The following PPP2R2D variants were observed in gnomAD, a reference collection of about 807,000 sequenced individuals.
PPP2R2D encodes serine/threonine-protein phosphatase 2A 55 kDa regulatory subunit B delta isoform.
Under a neutral mutation model 31.1 loss-of-function variants are expected in PPP2R2D, and 9 were observed. The ratio of observed to expected loss-of-function variants is 0.29; its 90% CI spans 0.17 to 0.51. PPP2R2D has a LOEUF of 0.51. Among genes scored for constraint, PPP2R2D ranks in the 20% least tolerant of loss-of-function variants. PPP2R2D has a pLI of 0.98. For synonymous variants in PPP2R2D, 179 were observed against 172.6 expected (o/e 1.04, Z -0.29); for missense variants, 391 against 465.6 (o/e 0.84, Z 1.48).
intron 8 of PPP2R2D, among the ~76,000 whole-genome samples, chr10:131,951,822 A>G (rs1395013437): frequency 1.3e-5 from 2 of 152,196 alleles, no homozygotes; most frequent in Non-Finnish European, 2.9e-5. Flanking sequence ...TCTGTCTCAA[A>G]AAAAAACAAA....
intron 2 of PPP2R2D, among the ~76,000 whole-genome samples, chr10:131,934,249 T>C (rs2036297186): frequency 6.6e-6 from 1 of 152,152 alleles, no homozygotes; most frequent in Non-Finnish European, 1.5e-5. Flanking sequence ...GGAGTAAAAC[T>C]CGCCCATTCA....
intron 2 of PPP2R2D, among the ~76,000 whole-genome samples, chr10:131,903,798 A>C (rs2035539904): frequency 6.6e-6 from 1 of 152,236 alleles, no homozygotes; most frequent in African/African-American, 2.4e-5. Flanking sequence ...CCAGAGAGTC[A>C]GTGATGATGA....
intron 7 of PPP2R2D, among the ~76,000 whole-genome samples, chr10:131,946,259 T>G (rs782494771): frequency 5.3e-5 from 8 of 152,244 alleles, no homozygotes; most frequent in Non-Finnish European, 7.3e-5. Flanking sequence ...TTTGTTTTTA[T>G]TTTTAGCCAT....
intron 8 of PPP2R2D, among the ~76,000 whole-genome samples, chr10:131,951,227 T>A (rs1213542757): frequency 2.0e-5 from 3 of 152,258 alleles, no homozygotes; most frequent in Non-Finnish European, 4.4e-5. Context: ...TCTTGTGACC[T>A]CCTTGGTGAC....
At chr10:131,939,868 CTTTTT>C in intron 3 of PPP2R2D, 158 bp from the exon 4 acceptor site, 45 of 328,262 alleles carry the variant, frequency 1.4e-4, no homozygotes, top group Non-Finnish European at 1.9e-4. Flanking sequence ...CAAGTTCGTT[CTTTTT>C]TTTTTTTTTT....
At position 131,956,710 on chromosome 10, in the gene PPP2R2D, T is replaced by A; in HGVS notation, c.*747T>A. The A allele has an allele frequency of 2.7e-6, 1 of 367,118 alleles. No homozygotes were observed. The highest frequency in any genetic ancestry group is 3.8e-6 in the Non-Finnish European group (1 of 264,928). The allele number at this position is 367,118 out of a possible 1,614,324, so 22.7% of individuals were successfully genotyped here. ...CAAGCTGCTGCCCGCTGTGTTTCTGTAGAAGTAGCCCATCAGATACACCAG... is the reference window on the plus strand; with the variant it reads ...CAAGCTGCTGCCCGCTGTGTTTCTGAAGAAGTAGCCCATCAGATACACCAG... On this transcript the variant is annotated 3_prime_UTR_variant, in exon 9 of 9. Transcript: ENST00000455566.
intron 8 of PPP2R2D, among the ~76,000 whole-genome samples, chr10:131,949,180 C>G (rs782244501): frequency 1.1e-4 from 16 of 152,312 alleles, no homozygotes; most frequent in Non-Finnish European, 2.2e-4. Flanking sequence ...TCTCATGGCA[C>G]AGCTGGCAGC....
intron 2 of PPP2R2D, among the ~76,000 whole-genome samples, chr10:131,910,459 T>G (rs917848706): frequency 1.3e-5 from 2 of 152,230 alleles, no homozygotes; most frequent in African/African-American, 4.8e-5. Context: ...AGCTTGGATT[T>G]TATCATTGGT....
intron 2 of PPP2R2D, among the ~76,000 whole-genome samples, chr10:131,929,333 A>G (rs1416498869): frequency 6.6e-6 from 1 of 152,088 alleles, no homozygotes; most frequent in African/African-American, 2.4e-5. Context: ...TGTTGCCCTT[A>G]GTGTTTCGTT....
chr10:131,903,848 G>A (rs2035540644), intron 2 of PPP2R2D, among the ~76,000 whole-genome samples: 1 of 152,194 alleles, frequency 6.6e-6, no homozygotes, highest in Admixed American at 6.5e-5. Context: ...TTGCTGAGCA[G>A]CAAGGATCAA....
Position 131,926,043 on chromosome 10 carries a change from C to A in PPP2R2D, c.101-8415C>A, listed in dbSNP as rs533423501. Among the ~76,000 whole-genome samples the A allele has an allele frequency of 1.5e-3, 231 of 152,318 alleles. 1 individual carries two copies. The highest frequency in any genetic ancestry group is 5.3e-3 in the African/African-American group (219 of 41,574). ...GTGGGCATGTTTAGGCGACTTCCCC[C>A]ACCCCATGCACAATGACCTGGGCGG... On this transcript the variant is annotated intron_variant, in intron 2 of 8. Transcript: ENST00000455566.
rs2035806046 is a variant in PPP2R2D, at chr10:131,916,936, G to T, written c.100+15606G>T. On this transcript the variant is annotated intron_variant, in intron 2 of 8. Transcript: ENST00000455566. ...TGTAGGGACCTCAGGCGGGTGGAAT[G>T]ACACAGCGTTTGTAGGGACCTCAGG... Among the ~76,000 whole-genome samples the T allele has an allele frequency of 2.0e-5, 3 of 150,362 alleles. 1 individual carries two copies. The South Asian group carries it at 6.3e-4, about 31-fold the overall frequency.
intron 2 of PPP2R2D, chr10:131,911,701 A>T (rs2035686362): frequency 6.6e-6 from 1 of 151,476 alleles, no homozygotes; most frequent in East Asian, 2.0e-4. Flanking sequence ...TATGATGAAA[A>T]TAGTCTTGAC....
chr10:131,905,951 A>T (rs2035574860), intron 2 of PPP2R2D, among the ~76,000 whole-genome samples: 1 of 152,382 alleles, frequency 6.6e-6, no homozygotes, highest in Non-Finnish European at 1.5e-5. Flanking sequence ...TGAAAATGGA[A>T]TGCCTTTAAA....
intron 5 of PPP2R2D, among the ~76,000 whole-genome samples, chr10:131,941,781 G>C (rs981673672): frequency 6.6e-6 from 1 of 152,136 alleles, no homozygotes; most frequent in Non-Finnish European, 1.5e-5. Flanking sequence ...GCCGTGTGGG[G>C]TGGCTACACC....
intron 2 of PPP2R2D, among the ~76,000 whole-genome samples, chr10:131,918,482 A>G (rs1187325991): frequency 7.4e-6 from 1 of 135,544 alleles, no homozygotes; most frequent in African/African-American, 2.9e-5. Flanking sequence ...GTTTGTAGGG[A>G]CCTCAGGCGG....
intron 2 of PPP2R2D, among the ~76,000 whole-genome samples, chr10:131,918,875 A>T (rs1482434351): frequency 4.7e-5 from 7 of 147,508 alleles, no homozygotes; most frequent in Non-Finnish European, 1.0e-4. Flanking sequence ...GGGTGGAATG[A>T]CACAGTGTAG....
At chr10:131,926,404 G>A (rs564424075) in intron 2 of PPP2R2D, among the ~76,000 whole-genome samples, 6 of 152,210 alleles carry the variant, frequency 3.9e-5, no homozygotes, top group Admixed American at 2.0e-4. Flanking sequence ...CCAGCTGAGC[G>A]CAGTGGCTCA....
chr10:131,940,979 C>T (rs1315647392), intron 5 of PPP2R2D: 1 of 298,820 alleles, frequency 3.3e-6, no homozygotes, highest in African/African-American at 2.2e-5. Context: ...ACATAGCAAC[C>T]ACCCTTCTCT....
Sources: allele counts gnomAD v4.1 joint callset (sites outside exome capture counted in the v4.1 genomes callset), GRCh38; gene constraint gnomAD v4.1.1; transcripts MANE v1.5; gene names NCBI Gene and HGNC (gene_info 2026-07-23, HGNC 2026-07-21).